Variants in PRLR observed in about 807,000 individuals in gnomAD.
The protein encoded by PRLR is prolactin receptor.
In PRLR, 13 loss-of-function variants were observed where a neutral mutation model predicts 40.2. The observed-to-expected ratio is 0.32, with a 90% confidence interval of 0.21 to 0.51. PRLR has a LOEUF of 0.51. Among genes scored for constraint, PRLR ranks in the 20% least tolerant of loss-of-function variants. The pLI, the probability that PRLR is intolerant of heterozygous loss-of-function variation, is 0.97. For synonymous variants in PRLR, 269 were observed against 278.7 expected (o/e 0.97, Z 0.35); for missense variants, 656 against 747.3 (o/e 0.88, Z 1.42).
chr5:35,194,928 C>A (rs2111579801), intron 1 of PRLR, among the ~76,000 whole-genome samples: 1 of 152,264 alleles, frequency 6.6e-6, no homozygotes, highest in East Asian at 1.9e-4. Context: ...AATGATATAT[C>A]AACATCGGTT....
At chr5:35,169,667 A>G (rs559860731) in intron 1 of PRLR, among the ~76,000 whole-genome samples, 1 of 152,338 alleles carries the variant, frequency 6.6e-6, no homozygotes, top group African/African-American at 2.4e-5. Flanking sequence ...ATATCATGGA[A>G]GATCTCCAAT....
At chr5:35,097,660 C>T (rs1392590796) in intron 2 of PRLR, among the ~76,000 whole-genome samples, 6 of 152,070 alleles carry the variant, frequency 3.9e-5, no homozygotes, top group African/African-American at 1.2e-4. Context: ...TAAGGCAGCC[C>T]TCTTCCTAAT....
At chr5:35,100,153 C>A (rs1393471993) in intron 2 of PRLR, among the ~76,000 whole-genome samples, 1 of 139,928 alleles carries the variant, frequency 7.1e-6, no homozygotes, top group Non-Finnish European at 1.5e-5. Context: ...CATTGCACTG[C>A]AGCCTGGGCG....
chr5:35,155,451 A>G (rs1392896158), intron 1 of PRLR, among the ~76,000 whole-genome samples: 1 of 152,214 alleles, frequency 6.6e-6, no homozygotes, highest in Admixed American at 6.5e-5. Context: ...TTGATCACAT[A>G]AGCCACAGCT....
At chr5:35,072,248 G>A (rs911644568) in intron 6 of PRLR, among the ~76,000 whole-genome samples, 4 of 152,056 alleles carry the variant, frequency 2.6e-5, no homozygotes, top group South Asian at 4.2e-4. Flanking sequence ...GACTATGGAC[G>A]GGATATACTG....
At chr5:35,066,204 A>C in intron 9 of PRLR, 102 bp from the exon 10 acceptor site, 1 of 1,167,714 alleles carries the variant, frequency 8.6e-7, no homozygotes, top group East Asian at 2.5e-5. Flanking sequence ...AGCAGGTGGG[A>C]AGATCTCAAA....
In PRLR at chr5:35,157,511, C is replaced by T. The variant is rs548142711; in HGVS notation, c.-105-39389G>A. On this transcript the variant is annotated intron_variant, in intron 1 of 9. Transcript: ENST00000618457. ...TTGTGGCTCTTCGGGGTTGCTTATG[C>T]CATATTCAATGTAAGCCCAGAACAC... 2.0e-5 allele frequency among the ~76,000 whole-genome samples: 3 copies of T among 152,272 alleles called. No homozygotes were observed. The East Asian group carries it at 5.8e-4, about 29-fold the overall frequency.
chr5:35,144,582 T>A (rs1318117826), intron 1 of PRLR, among the ~76,000 whole-genome samples: 2 of 151,980 alleles, frequency 1.3e-5, no homozygotes, highest in African/African-American at 4.8e-5. Flanking sequence ...GCCTCCCAAG[T>A]AGCTGGGATT....
intron 3 of PRLR, among the ~76,000 whole-genome samples, chr5:35,089,069 T>G (rs1482310276): frequency 6.6e-6 from 1 of 152,254 alleles, no homozygotes; most frequent in Non-Finnish European, 1.5e-5. Context: ...TCATTTCTCC[T>G]GTTAGCACAG....
chr5:35,205,290 A>C (rs150249002), intron 1 of PRLR, among the ~76,000 whole-genome samples: 1 of 152,110 alleles, frequency 6.6e-6, no homozygotes, highest in African/African-American at 2.4e-5. Context: ...AAAATTCTAG[A>C]TAATACCAAA....
At chr5:35,116,792 A>G (rs1773049423) in intron 2 of PRLR, among the ~76,000 whole-genome samples, 1 of 152,124 alleles carries the variant, frequency 6.6e-6, no homozygotes, top group Admixed American at 6.5e-5. Context: ...GACTGATGAC[A>G]CTTCTTCTGC....
rs535384323 is a variant in PRLR at position 35,151,162 on chromosome 5, C to G, written c.-105-33040G>C. Among the ~76,000 whole-genome samples, 21 of 152,254 alleles carry G rather than the reference C, an allele frequency of 1.4e-4. 1 individual carries two copies. Among genetic ancestry groups the G allele is most frequent in the African/African-American group, 5.1e-4 (21 of 41,548 alleles). ...CTTGCTCTACTGAATTTGGGCATGG[C>G]TATGTGAGCCATCAAATGTAAGCAG... On this transcript the variant is annotated intron_variant, in intron 1 of 9. Coordinates refer to ENST00000618457, the MANE Select transcript of PRLR (RefSeq NM_000949.7).
Position 35,065,304 on chromosome 5 carries a change from C to T in PRLR, c.1654G>A (p.Val552Ile), listed in dbSNP as rs761415342. The T allele has an allele frequency of 3.7e-6, 6 of 1,613,956 alleles. No individual in the cohort carries two copies. The highest frequency in any genetic ancestry group is 1.6e-4 in the Middle Eastern group (1 of 6,084). Reference protein sequence around the residue: ...NNKEYAKVSGVMDNNILVLVP... With the variant: ...NNKEYAKVSGIMDNNILVLVP... ...AACACCAGGATGTTGTTATCCATGA[C>T]CCCGGACACCTTGGCATACTCCTTA... Residue 552 changes from valine to isoleucine, a missense_variant, in exon 10 of 10, where the codon GTC (valine) becomes ATC (isoleucine). By Grantham distance (29) the Val-to-Ile change is conservative (BLOSUM62 3). Transcript: ENST00000618457.
At chr5:35,086,386 A>T (rs1183756973) in intron 3 of PRLR, 46 bp from the exon 4 acceptor site, 2 of 1,602,624 alleles carry the variant, frequency 1.2e-6, no homozygotes, top group South Asian at 2.2e-5. Flanking sequence ...GGTCCATTTA[A>T]CCATTTGACC....
At chr5:35,156,449 G>A (rs77362351) in intron 1 of PRLR, among the ~76,000 whole-genome samples, 8,565 of 152,214 alleles carry the variant, frequency 0.056, 388 homozygotes, top group African/African-American at 0.11. Context: ...GCTCATAAGT[G>A]CTTACCATCT....
chr5:35,097,625 T>C (rs979835377), intron 2 of PRLR, among the ~76,000 whole-genome samples: 6 of 152,042 alleles, frequency 3.9e-5, no homozygotes, highest in Non-Finnish European at 5.9e-5. Context: ...TCAGAGGACC[T>C]TGGGGTCGTA....
chr5:35,197,497 T>C (rs913916514), intron 1 of PRLR, among the ~76,000 whole-genome samples: 14 of 152,230 alleles, frequency 9.2e-5, no homozygotes, highest in African/African-American at 3.4e-4. Context: ...TGACTGAAGC[T>C]CAGCCAGATG....
chr5:35,148,774 T>G (rs183972383), intron 1 of PRLR, among the ~76,000 whole-genome samples: 29 of 152,258 alleles, frequency 1.9e-4, no homozygotes, highest in East Asian at 1.9e-4. Context: ...CTTTTTTAAC[T>G]CAATATTTTA....
chr5:35,144,123 C>CAAA (rs34642253), intron 1 of PRLR, among the ~76,000 whole-genome samples: 1,629 of 109,002 alleles, frequency 0.015, 26 homozygotes, highest in African/African-American at 0.048. Context: ...AACAAGCTTC[C>CAAA]AAAAAAAAAA....
Sources: gnomAD v4.1 joint callset for allele counts (sites outside exome capture counted in the v4.1 genomes callset) on GRCh38, gnomAD v4.1.1 for gene constraint, MANE v1.5 for transcripts, NCBI Gene and HGNC (gene_info 2026-07-23, HGNC 2026-07-21) for gene names.